The following SCARF2 variants were observed in gnomAD, a reference collection of about 807,000 sequenced individuals.
SCARF2 encodes the protein scavenger receptor expressed by endothelial cells 2 protein.
SCARF2 carries 39 observed loss-of-function variants against 73.4 expected under a neutral mutation model. The observed-to-expected ratio is 0.53, with a 90% CI of 0.41 to 0.69. The LOEUF is 0.69. Among genes scored for constraint, SCARF2 ranks in the 30% least tolerant of loss-of-function variants. The pLI, the probability that SCARF2 is intolerant of heterozygous loss-of-function variation, is 0.00. For missense variants in SCARF2, 1,148 were observed against 1,303.5 expected (o/e 0.88, Z 1.84); for synonymous variants, 605 against 590.0 (o/e 1.03, Z -0.37).
rs1199780125 is a variant in SCARF2, at chr22:20,429,564, C to G, written c.1396G>C (p.Ala466Pro). 3.7e-6 allele frequency: 6 copies of G among 1,613,022 alleles called. No homozygotes were observed. Among genetic ancestry groups the G allele is most frequent in the Non-Finnish European group, 5.1e-6 (6 of 1,179,836 alleles). Residue 466 changes from alanine to proline, a missense_variant, in exon 8 of 11, where the codon GCT (alanine) becomes CCT (proline). Physicochemically the swap from Ala to Pro is conservative, Grantham distance 27 (BLOSUM62 -1). This residue lies in a region of SCARF2 where 437 missense variants were observed against 433.6 expected (regional missense o/e 1.01). Coordinates refer to ENST00000622235, the MANE Select transcript of SCARF2 (RefSeq NM_182895.5). This position sits in a 1 kb window ranked among gnomAD's most constrained non-coding sequence, Gnocchi z 5.2. ...CGCGTAGGGTCCTTGCCGCGGCAAG[C>G]GCAGCAGCAGCCGAGCAGCGAGAGC... ...LLLSLLGCCC[A>P]CRGKDPTRRE...
At position 20,437,735 on chromosome 22, in the gene SCARF2, C is replaced by T; in HGVS notation, c.20G>A (p.Arg7Gln). Residue 7 changes from arginine (R) to glutamine (Q), a missense_variant, in exon 1 of 11, where the codon CGG becomes CAG. By Grantham distance (43) the Arg-to-Gln change is conservative. Coordinates refer to ENST00000622235, the MANE Select transcript of SCARF2 (RefSeq NM_182895.5). ...CCGGCGCCGCGCCGGCCCGGCCCCC[C>T]GGGGCCCTGCGCCCTCCATGAGGCG... MEGAGP[R>Q]GAGPARRRGA... 7 of 1,228,394 alleles carry T rather than the reference C, an allele frequency of 5.7e-6. No homozygotes were observed. The highest frequency in any genetic ancestry group is 3.3e-4 in the Middle Eastern group (1 of 3,028). The allele number at this position is 1,228,394 out of a possible 1,614,324, so 76.1% of individuals were successfully genotyped here. A position where few individuals can be genotyped will look rare whatever the true frequency, so the allele number is the denominator to read the frequency against.
rs766890787 is a variant in SCARF2, at chr22:20,437,584, G to C, written c.171C>G (p.Pro57=). The C allele has an allele frequency of 1.3e-6, 2 of 1,574,426 alleles. No individual in the cohort carries two copies. The highest frequency in any genetic ancestry group is 1.4e-5 in the African/African-American group (1 of 73,864). The change falls in exon 1 of 11, where the codon CCC becomes CCG. Residue 57 remains proline (P), a splice_region_variant and synonymous_variant. Transcript: ENST00000622235. ...NPRGRNVCRA[P]GSQVPTCCAG... is the part of the protein sequence containing the mutation. The stretch of plus-strand genomic sequence containing the variant: ...CCCCCAGCCAGGCCGGCTCCTACCC[G>C]GGAGCACGGCACACGTTGCGGCCGC...
intron 1 of SCARF2, 45 bp from the exon 2 acceptor site, chr22:20,432,033 G>C (rs1375780799): frequency 6.4e-7 from 1 of 1,569,932 alleles, no homozygotes; most frequent in African/African-American, 1.3e-5. Flanking sequence ...CCCTCCCCCA[G>C]CCCCCATCTG....
chr22:20,437,737 G>A lies in SCARF2; in HGVS notation c.18C>T (p.Pro6=). Residue 6 remains proline, a synonymous_variant, in exon 1 of 11, where the codon CCC becomes CCT. Transcript: ENST00000622235. ...GGCGCCGCGCCGGCCCGGCCCCCCG[G>A]GGCCCTGCGCCCTCCATGAGGCGCG... MEGAG[P]RGAGPARRRG... 1 of 1,228,246 alleles carries A rather than the reference G, an allele frequency of 8.1e-7. No individual in the cohort carries two copies. The highest frequency in any genetic ancestry group is 2.5e-5 in the South Asian group (1 of 40,366). 76.1% of individuals were successfully genotyped at this position (1,228,246 alleles called of 1,614,324 possible).
intron 1 of SCARF2, among the ~76,000 whole-genome samples, chr22:20,434,149 C>G (rs12483784): frequency 0.026 from 3,958 of 152,072 alleles, 59 homozygotes; most frequent in South Asian, 0.041. Flanking sequence ...GTTTTTTTGC[C>G]GGGCGTGCTG....
In SCARF2 at chr22:20,425,659, C is replaced by T; in HGVS notation, c.2317G>A (p.Glu773Lys). The change falls in exon 11 of 11, where the codon GAG becomes AAG. Residue 773 changes from glutamate (E) to lysine (K), a missense_variant. Physicochemically the swap from Glu to Lys is moderately conservative, Grantham distance 56. Around this residue, in one of 5 missense-constraint regions of SCARF2, gnomAD observed 46 missense variants for 80.6 expected, o/e 0.57. Coordinates refer to ENST00000622235, the MANE Select transcript of SCARF2 (RefSeq NM_182895.5). The surrounding 1 kb of genome is among the most constrained non-coding windows in gnomAD (Gnocchi z 4.6). The stretch of plus-strand genomic sequence containing the variant: ...AGGCTGCGAGTCTTGCCGCGCAGCT[C>T]AGCGGCCAACATGGAGGCAGCCTCG... ...APEAASMLAA[E>K]LRGKTRSLGR... 7.9e-7 allele frequency: 1 copy of T among 1,263,840 alleles called. No homozygotes were observed. Among genetic ancestry groups the T allele is most frequent in the Non-Finnish European group, 9.9e-7 (1 of 1,006,698 alleles). 78.3% of individuals were successfully genotyped at this position (1,263,840 alleles called of 1,614,324 possible). A position where few individuals can be genotyped will look rare whatever the true frequency, so the allele number is the denominator to read the frequency against.
intron 1 of SCARF2, among the ~76,000 whole-genome samples, chr22:20,435,554 T>C (rs2052691090): frequency 6.6e-6 from 1 of 152,114 alleles, no homozygotes; most frequent in African/African-American, 2.4e-5. Context: ...CTCTGGCAGC[T>C]CCTCCGCCAG....
chr22:20,437,189 C>A (rs892602306), intron 1 of SCARF2, among the ~76,000 whole-genome samples: 1 of 152,234 alleles, frequency 6.6e-6, no homozygotes, highest in Non-Finnish European at 1.5e-5. Flanking sequence ...ACTCCCACTC[C>A]CGGCTCCAGT....
At position 20,431,278 on chromosome 22, in the gene SCARF2, G is replaced by A. The variant is rs779740456; in HGVS notation, c.594C>T (p.Gly198=). 3 of 1,534,868 alleles carry A rather than the reference G, an allele frequency of 2.0e-6. No individual in the cohort carries two copies. Among genetic ancestry groups the A allele is most frequent in the Non-Finnish European group, 2.6e-6 (3 of 1,148,510 alleles). The change falls in exon 4 of 11, where the codon GGC becomes GGT. Residue 198 remains glycine (G), a synonymous_variant. Transcript: ENST00000622235. ...SATSRCDPQT[G]ACLCHAGWWG... is the part of the protein sequence containing the mutation. Reference sequence around the variant, plus strand: ...ACCAGCCTGCGTGGCACAGGCAGGCGCCGGTCTGTGGGTCGCAGCGCGACG... The same window carrying A: ...ACCAGCCTGCGTGGCACAGGCAGGCACCGGTCTGTGGGTCGCAGCGCGACG...
intron 6 of SCARF2, 120 bp downstream of exon 6, chr22:20,430,309 G>A (rs2052627664): frequency 1.6e-6 from 2 of 1,239,392 alleles, no homozygotes; most frequent in East Asian, 5.1e-5. Context: ...CCCTAGCTGG[G>A]GTAAGGGACC....
chr22:20,424,969 G>C lies in SCARF2; in HGVS notation c.*406C>G, dbSNP rs545684953. ...CCAGCCAGAGGCACCAGGCCCTAGC[G>C]GGGGAGAGGCAGCCCGGGCAGAAGT... On this transcript the variant is annotated 3_prime_UTR_variant, in exon 11 of 11. Coordinates refer to ENST00000622235, the MANE Select transcript of SCARF2 (RefSeq NM_182895.5). 1.5e-4 allele frequency: 25 copies of C among 171,290 alleles called. No homozygotes were observed. Among genetic ancestry groups the C allele is most frequent in the East Asian group, 6.1e-4 (4 of 6,524 alleles). The allele number at this position is 171,290 out of a possible 1,614,324, so 10.6% of individuals were successfully genotyped here.
In SCARF2 at chr22:20,429,895, C is replaced by T. The variant is rs566246336; in HGVS notation, c.1203-62G>A. 6.0e-6 allele frequency: 9 copies of T among 1,511,532 alleles called. No individual in the cohort carries two copies. The African/African-American group carries it at 6.8e-5, about 11-fold the overall frequency. The allele number at this position is 1,511,532 out of a possible 1,614,324, so 93.6% of individuals were successfully genotyped here. A position where few individuals can be genotyped will look rare whatever the true frequency, so the allele number is the denominator to read the frequency against. Reference sequence around the variant, plus strand: ...CCCCCTAGGATGCCCCCTACCCTCACCCCTCACCCGCGGCCAGGGCCCAGG... The same window carrying T: ...CCCCCTAGGATGCCCCCTACCCTCATCCCTCACCCGCGGCCAGGGCCCAGG... On this transcript the variant is annotated intron_variant, in intron 6 of 10. Coordinates refer to ENST00000622235, the MANE Select transcript of SCARF2 (RefSeq NM_182895.5). The surrounding 1 kb of genome is among the most constrained non-coding windows in gnomAD (Gnocchi z 5.2).
At chr22:20,434,585 A>G (rs1201412199) in intron 1 of SCARF2, among the ~76,000 whole-genome samples, 2 of 152,218 alleles carry the variant, frequency 1.3e-5, no homozygotes, top group Non-Finnish European at 2.9e-5. Flanking sequence ...GGTGGTGGCA[A>G]GCCCACTCTC....
At chr22:20,437,254 C>G (rs1235399052) in intron 1 of SCARF2, among the ~76,000 whole-genome samples, 2 of 152,232 alleles carry the variant, frequency 1.3e-5, no homozygotes, top group African/African-American at 4.8e-5. Context: ...ATGCCCTTCC[C>G]CAGCTTTTCC....
rs2146133110 is a variant in SCARF2 at position 20,431,942 on chromosome 22, C to A, written c.220G>T (p.Glu74Ter). 6.2e-7 allele frequency: 1 copy of A among 1,610,786 alleles called. No homozygotes were observed. The change falls in exon 2 of 11, where the codon GAG becomes TAG. Residue 74 changes from glutamate (E) to a stop codon, truncating the protein, a stop_gained. Coordinates refer to ENST00000622235, the MANE Select transcript of SCARF2 (RefSeq NM_182895.5). LOFTEE classifies it high-confidence loss of function. ...ATGACCCACTCACCAATCCCACACTCGTCCCCTTGCTGCCTCCAGCCAGCG... is the reference window on the plus strand; with the variant it reads ...ATGACCCACTCACCAATCCCACACTAGTCCCCTTGCTGCCTCCAGCCAGCG... ...CCAGWRQQGDECGIAVCEGNS... is the reference protein window; with the variant it reads ...CCAGWRQQGD
chr22:20,425,314 T>G lies in SCARF2; in HGVS notation c.*61A>C, dbSNP rs7286419. On this transcript the variant is annotated 3_prime_UTR_variant, in exon 11 of 11. Transcript: ENST00000622235. The surrounding 1 kb of genome is among the most constrained non-coding windows in gnomAD (Gnocchi z 4.6). ...CGCCCGTGCCCGGTAGCGTGGGAGG[T>G]GTGGGGTGGCGGGCGGCGCTGCGAA... The G allele has an allele frequency of 0.6, 771,981 of 1,276,430 alleles. 235,855 individuals carry two copies. Among genetic ancestry groups the G allele is most frequent in the Non-Finnish European group, 0.62 (614,814 of 993,918 alleles). 79.1% of individuals were successfully genotyped at this position (1,276,430 alleles called of 1,614,324 possible).
Position 20,429,976 on chromosome 22 carries a change from A to AGCCCC in SCARF2, c.1203-148_1203-144dup. ...GCTGCATTCGTCGTCTAGGGATTGA[A>AGCCCC]GCCCCGCCCCGCCCGTGGCACATAT... On this transcript the variant is annotated intron_variant, in intron 6 of 10. Transcript: ENST00000622235. The surrounding 1 kb of genome is among the most constrained non-coding windows in gnomAD (Gnocchi z 5.2). 3.8e-6 allele frequency: 3 copies of AGCCCC among 785,336 alleles called. No homozygotes were observed. The highest frequency in any genetic ancestry group is 1.7e-5 in the South Asian group (1 of 59,470). The allele number at this position is 785,336 out of a possible 1,614,324, so 48.6% of individuals were successfully genotyped here. A position where few individuals can be genotyped will look rare whatever the true frequency, so the allele number is the denominator to read the frequency against.
chr22:20,426,290 G>A lies in SCARF2; in HGVS notation c.1694-8C>T, dbSNP rs1431864614. On this transcript the variant is annotated splice_region_variant and splice_polypyrimidine_tract_variant and intron_variant, in intron 10 of 10. Coordinates refer to ENST00000622235, the MANE Select transcript of SCARF2 (RefSeq NM_182895.5). Reference sequence around the variant, plus strand: ...GGCTCTCCGCTGGTGCCTCTGGCAAGGGAAGAGCAGGGCGGTCACAGCCTT... The same window carrying A: ...GGCTCTCCGCTGGTGCCTCTGGCAAAGGAAGAGCAGGGCGGTCACAGCCTT... The A allele has an allele frequency of 5.2e-6, 8 of 1,533,008 alleles. No homozygotes were observed. In the African/African-American group the frequency reaches 6.8e-5, roughly 13 times the overall value. The allele number at this position is 1,533,008 out of a possible 1,614,324, so 95.0% of individuals were successfully genotyped here.
chr22:20,428,202 G>T (rs1021752328), intron 9 of SCARF2, among the ~76,000 whole-genome samples: 4 of 150,816 alleles, frequency 2.7e-5, no homozygotes, highest in Non-Finnish European at 5.9e-5. Flanking sequence ...CGACAGTTTT[G>T]GGGTTTCTCC....
Sources: allele counts gnomAD v4.1 joint callset (sites outside exome capture counted in the v4.1 genomes callset), GRCh38; gene constraint gnomAD v4.1.1; regional missense constraint gnomAD v4.1.1; non-coding constraint Gnocchi (gnomAD v3.1); transcripts MANE v1.5; gene names NCBI Gene and HGNC (gene_info 2026-07-23, HGNC 2026-07-21).